ATF1: variants seen among roughly 807,000 people sequenced by gnomAD.
ATF1 encodes the protein cyclic AMP-dependent transcription factor ATF-1.
In ATF1, 16 loss-of-function variants were observed where a neutral mutation model predicts 34.7. The ratio of observed to expected loss-of-function variants is 0.46; its 90% CI spans 0.31 to 0.70. The LOEUF is 0.70. Among genes scored for constraint, ATF1 ranks in the 30% least tolerant of loss-of-function variants. ATF1 has a pLI of 0.05. For missense variants in ATF1, 255 were observed against 321.6 expected, an observed-to-expected ratio of 0.79 and a Z score of 1.58; for synonymous variants, 105 against 113.1, an observed-to-expected ratio of 0.93 and a Z score of 0.46.
At chr12:50,817,040 G>T (rs1941857016) in intron 6 of ATF1, among the ~76,000 whole-genome samples, 2 of 152,180 alleles carry the variant, frequency 1.3e-5, no homozygotes, top group Non-Finnish European at 2.9e-5. Context: ...TGGAACAATG[G>T]TCAGGAATTC....
At chr12:50,806,304 G>T (rs954402326) in intron 3 of ATF1, 1 of 392,334 alleles carries the variant, frequency 2.5e-6, no homozygotes, top group Non-Finnish European at 5.4e-6. Context: ...AACTTATCCT[G>T]TTCCCAAGTA....
upstream of ATF1, chr12:50,763,762 C>G (rs1217832994): frequency 6.6e-6 from 1 of 152,072 alleles, no homozygotes. Flanking sequence ...AGCGCCGCCA[C>G]TAATCGATGA....
At chr12:50,782,649 A>G (rs542552139) in intron 2 of ATF1, among the ~76,000 whole-genome samples, 15 of 148,308 alleles carry the variant, frequency 1.0e-4, no homozygotes, top group African/African-American at 3.5e-4. Context: ...CAGCATCCCA[A>G]AGTGCTGGGA....
chr12:50,795,957 A>G lies in ATF1; in HGVS notation c.142A>G (p.Ile48Val). The G allele has an allele frequency of 6.2e-7, 1 of 1,613,178 alleles. No individual in the cohort carries two copies. Among genetic ancestry groups the G allele is most frequent in the Admixed American group, 1.7e-5 (1 of 59,502 alleles). The stretch of plus-strand genomic sequence containing the variant: ...GGAGTCCCAGGACTCATCCGACAGC[A>G]TAGGCTCCTCACAGAAAGCCCACGG... ...SEESQDSSDS[I>V]GSSQKAHGIL... Residue 48 changes from isoleucine (I) to valine (V), a missense_variant, in exon 3 of 7, where the codon ATA becomes GTA. By Grantham distance (29) the Ile-to-Val change is conservative. Transcript: ENST00000262053.
intron 3 of ATF1, among the ~76,000 whole-genome samples, chr12:50,796,798 T>C (rs1373239935): frequency 6.6e-6 from 1 of 151,860 alleles, no homozygotes; most frequent in African/African-American, 2.4e-5. Flanking sequence ...CCTGAAACCA[T>C]AAAAATCCTA....
Position 50,821,010 on chromosome 12 carries a change from A to T in ATF1, c.*1231A>T, listed in dbSNP as rs1195952996. The T allele has an allele frequency of 5.5e-6, 1 of 180,786 alleles. No individual in the cohort carries two copies. Among genetic ancestry groups the T allele is most frequent in the Non-Finnish European group, 1.2e-5 (1 of 84,482 alleles). 11.2% of individuals were successfully genotyped at this position (180,786 alleles called of 1,614,324 possible). A position where few individuals can be genotyped will look rare whatever the true frequency, so the allele number is the denominator to read the frequency against. On this transcript the variant is annotated 3_prime_UTR_variant, in exon 7 of 7. Coordinates refer to ENST00000262053, the MANE Select transcript of ATF1 (RefSeq NM_005171.5). ...AATACTGTCAGTACACCAGCGTTTA[A>T]CATCTATATTCCAATTTGTATACAG...
intron 6 of ATF1, 110 bp from the exon 7 acceptor site, chr12:50,819,524 AT>A (rs1245818502): frequency 8.1e-7 from 1 of 1,232,112 alleles, no homozygotes; most frequent in Non-Finnish European, 1.1e-6. Context: ...CTGTGTGTAG[AT>A]GATACTTTAA....
chr12:50,790,747 CCTG>C (rs1941283965), intron 2 of ATF1, among the ~76,000 whole-genome samples: 1 of 151,822 alleles, frequency 6.6e-6, no homozygotes, highest in Non-Finnish European at 1.5e-5. Flanking sequence ...GATTAGCCGT[CCTG>C]CTTGCTCATT....
At chr12:50,810,927 C>T (rs540851563) in intron 4 of ATF1, among the ~76,000 whole-genome samples, 29 of 152,144 alleles carry the variant, frequency 1.9e-4, no homozygotes, top group East Asian at 3.8e-4. Flanking sequence ...ATCGCTCCTG[C>T]CCAAAATCCT....
At chr12:50,811,055 G>A (rs1394688997) in intron 4 of ATF1, among the ~76,000 whole-genome samples, 3 of 152,114 alleles carry the variant, frequency 2.0e-5, no homozygotes, top group Admixed American at 6.6e-5. Flanking sequence ...GACCACCCCA[G>A]ACTTCCTTAC....
chr12:50,783,309 T>G (rs1480043872), intron 2 of ATF1, among the ~76,000 whole-genome samples: 8 of 152,224 alleles, frequency 5.3e-5, no homozygotes, highest in Admixed American at 1.3e-4. Flanking sequence ...TGATATATCC[T>G]TCTGCCTTAT....
chr12:50,797,705 A>G (rs1241285558), intron 3 of ATF1, among the ~76,000 whole-genome samples: 1 of 152,060 alleles, frequency 6.6e-6, no homozygotes, highest in East Asian at 1.9e-4. Flanking sequence ...TCTTGGGCTC[A>G]AGTGATCCTC....
intron 4 of ATF1, among the ~76,000 whole-genome samples, chr12:50,812,163 T>A (rs538001295): frequency 1.3e-5 from 2 of 152,128 alleles, no homozygotes; most frequent in Non-Finnish European, 2.9e-5. Flanking sequence ...TAAATACACA[T>A]GTTAAGAACA....
At chr12:50,809,061 G>A (rs185259438) in intron 3 of ATF1, among the ~76,000 whole-genome samples, 2 of 151,922 alleles carry the variant, frequency 1.3e-5, no homozygotes, top group Non-Finnish European at 2.9e-5. Context: ...TTTTACCTGA[G>A]ATTGAAAAAG....
chr12:50,784,542 A>G (rs1156616121), intron 2 of ATF1, among the ~76,000 whole-genome samples: 1 of 152,182 alleles, frequency 6.6e-6, no homozygotes, highest in Non-Finnish European at 1.5e-5. Context: ...AGGATGAGGC[A>G]GAGAGGGTTG....
chr12:50,804,805 A>T (rs1189942738), intron 3 of ATF1, among the ~76,000 whole-genome samples: 1 of 151,924 alleles, frequency 6.6e-6, no homozygotes, highest in Non-Finnish European at 1.5e-5. Context: ...AGAAGCCAAC[A>T]AGATCTTTTT....
intron 1 of ATF1, among the ~76,000 whole-genome samples, chr12:50,765,200 T>A (rs1436271203): frequency 6.6e-6 from 1 of 152,198 alleles, no homozygotes; most frequent in African/African-American, 2.4e-5. Flanking sequence ...CAAACTGGCC[T>A]CACCTGTGAT....
chr12:50,780,782 G>A (rs1014439174), intron 2 of ATF1, among the ~76,000 whole-genome samples: 6 of 151,948 alleles, frequency 3.9e-5, no homozygotes, highest in Non-Finnish European at 8.8e-5. Flanking sequence ...CCAACATGGC[G>A]AAACCCTGTC....
At chr12:50,813,675 A>C (rs1941781971) in intron 4 of ATF1, among the ~76,000 whole-genome samples, 1 of 152,036 alleles carries the variant, frequency 6.6e-6, no homozygotes, top group African/African-American at 2.4e-5. Flanking sequence ...TCAGCTGGGC[A>C]TGGTGGCGCA....
Sources: gnomAD v4.1 joint callset for allele counts (sites outside exome capture counted in the v4.1 genomes callset) on GRCh38, gnomAD v4.1.1 for gene constraint, MANE v1.5 for transcripts, NCBI Gene and HGNC (gene_info 2026-07-23, HGNC 2026-07-21) for gene names.